The following RCBTB1 variants were observed in gnomAD, a reference collection of about 807,000 sequenced individuals.
RCBTB1 encodes RCC1 and BTB domain containing protein 1.
A neutral mutation model predicts 62.4 loss-of-function variants in RCBTB1; 46 were observed. That is an observed-to-expected ratio of 0.74 (90% CI 0.58 to 0.94). The LOEUF is 0.94. RCBTB1 is among the 40% of genes least tolerant of loss of function. The pLI, the probability that RCBTB1 is intolerant of heterozygous loss-of-function variation, is 0.00. For missense variants in RCBTB1, 565 were observed against 654.9 expected (o/e 0.86, Z 1.50); for synonymous variants, 222 against 245.8 (o/e 0.90, Z 0.91).
chr13:49,555,389 A>G lies in RCBTB1; in HGVS notation c.603+126T>C, dbSNP rs1961760327. 4 of 802,746 alleles carry G rather than the reference A, an allele frequency of 5.0e-6. No individual in the cohort carries two copies. In the African/African-American group the frequency reaches 5.2e-5, roughly 10 times the overall value. The allele number at this position is 802,746 out of a possible 1,614,324, so 49.7% of individuals were successfully genotyped here. On this transcript the variant is annotated intron_variant, in intron 6 of 12. Transcript: ENST00000378302. ...CAGCTCCTCAGTCAGTAATCAGTTA[A>G]CTTTCAATGGAGCTACCAAAACAAA...
intron 5 of RCBTB1, among the ~76,000 whole-genome samples, chr13:49,556,333 G>A (rs1961870606): frequency 6.6e-6 from 1 of 151,954 alleles, no homozygotes; most frequent in Non-Finnish European, 1.5e-5. Flanking sequence ...TGGGACGACA[G>A]GCGCCCGCCA....
In RCBTB1 at chr13:49,584,869, T is replaced by C. The variant is rs558667898; in HGVS notation, c.-122+575A>G. 8.5e-5 allele frequency among the ~76,000 whole-genome samples: 13 copies of C among 152,272 alleles called. No individual in the cohort carries two copies. The South Asian group carries it at 2.7e-3, about 32-fold the overall frequency. On this transcript the variant is annotated intron_variant, in intron 1 of 12. Transcript: ENST00000378302. ...CGATAGTCATCTTAAACCGAGCAGGTAGGTACTTTATCAGAGGCAGACAAG... is the reference window on the plus strand; with the variant it reads ...CGATAGTCATCTTAAACCGAGCAGGCAGGTACTTTATCAGAGGCAGACAAG...
At chr13:49,536,964 A>G (rs1156852217) in intron 12 of RCBTB1, among the ~76,000 whole-genome samples, 1 of 152,238 alleles carries the variant, frequency 6.6e-6, no homozygotes, top group Non-Finnish European at 1.5e-5. Flanking sequence ...TCCTTTCCAC[A>G]AATTTTCTTT....
At chr13:49,569,506 G>A (rs1434025273) in intron 2 of RCBTB1, among the ~76,000 whole-genome samples, 1 of 152,174 alleles carries the variant, frequency 6.6e-6, no homozygotes, top group South Asian at 2.1e-4. Flanking sequence ...GAGGTCAAGA[G>A]TTCGTGACCA....
intron 6 of RCBTB1, among the ~76,000 whole-genome samples, chr13:49,552,563 G>C (rs1311528861): frequency 1.3e-5 from 2 of 152,030 alleles, no homozygotes; most frequent in Admixed American, 6.6e-5. Flanking sequence ...CAATTATTAA[G>C]TACCTACTGT....
intron 1 of RCBTB1, among the ~76,000 whole-genome samples, chr13:49,583,359 C>T (rs1351330134): frequency 1.3e-5 from 2 of 149,518 alleles, no homozygotes; most frequent in South Asian, 4.3e-4. Flanking sequence ...AGCTTTTCTA[C>T]CCCAGGAAAG....
At chr13:49,555,452 G>A (rs922340376) in intron 6 of RCBTB1, 63 bp downstream of exon 6, 2 of 1,350,418 alleles carry the variant, frequency 1.5e-6, no homozygotes, top group African/African-American at 1.4e-5. Flanking sequence ...TTCACCTTGT[G>A]AAGAAACTGA....
In RCBTB1 at chr13:49,549,056, C is replaced by CCA. The variant is rs1203165704; in HGVS notation, c.1045+401_1045+402insTG. ...CTGAGGCAGGAAAATCTCTTGAACT[C>CCA]GGGAGGTGGAGGTTGCAGTGAGCCG... is the stretch of plus-strand genomic sequence containing the variant. On this transcript the variant is annotated intron_variant, in intron 9 of 12. Transcript: ENST00000378302. Among the ~76,000 whole-genome samples the CCA allele has an allele frequency of 1.2e-4, 16 of 132,428 alleles. 3 individuals are homozygous for CCA. In the South Asian group the frequency reaches 1.6e-3, roughly 13 times the overall value. The allele number at this position is 132,428 out of a possible 152,430, so 86.9% of individuals were successfully genotyped here.
At chr13:49,552,634 C>T (rs1961478456) in intron 6 of RCBTB1, among the ~76,000 whole-genome samples, 1 of 152,124 alleles carries the variant, frequency 6.6e-6, no homozygotes, top group African/African-American at 2.4e-5. Flanking sequence ...GAAATAGATA[C>T]ATGCAAATTT....
Position 49,555,622 on chromosome 13 carries a change from C to G in RCBTB1, c.496G>C (p.Ala166Pro). The change falls in exon 6 of 13, where the codon GCA becomes CCA. Residue 166 changes from alanine to proline, a missense_variant. Transcript: ENST00000378302. The stretch of plus-strand genomic sequence containing the variant: ...ACTTTTCGAGGAGTTGGTTGATTTG[C>G]TGTAGAACCTGATCCCACTTGGCCA... Reference protein sequence around the residue: ...NCGQVGSGSTANQPTPRKVTN... With the variant: ...NCGQVGSGSTPNQPTPRKVTN... The G allele has an allele frequency of 6.2e-7, 1 of 1,612,746 alleles. No homozygotes were observed. Among genetic ancestry groups the G allele is most frequent in the Non-Finnish European group, 8.5e-7 (1 of 1,179,332 alleles).
intron 9 of RCBTB1, chr13:49,546,905 AC>A (rs1960831959): frequency 2.0e-6 from 2 of 980,350 alleles, no homozygotes; most frequent in Non-Finnish European, 2.4e-6. Context: ...GGGTGTGGGG[AC>A]CCCTGATCTA....
intron 12 of RCBTB1, among the ~76,000 whole-genome samples, chr13:49,537,044 C>G (rs1959995162): frequency 6.6e-6 from 1 of 152,174 alleles, no homozygotes; most frequent in African/African-American, 2.4e-5. Context: ...AATGCCGCCT[C>G]TAAGGGAGTT....
chr13:49,534,320 T>C (rs1959768613), intron 12 of RCBTB1, 58 bp from the exon 13 acceptor site: 1 of 1,558,600 alleles, frequency 6.4e-7, no homozygotes, highest in African/African-American at 1.4e-5. Flanking sequence ...TTTGATTGAA[T>C]TACTTCTCTC....
chr13:49,533,990 T>C lies in RCBTB1; in HGVS notation c.*132A>G. On this transcript the variant is annotated 3_prime_UTR_variant, in exon 13 of 13. Coordinates refer to ENST00000378302, the MANE Select transcript of RCBTB1 (RefSeq NM_018191.4). ...CTTGTTATGTTCCTACACAAACAAC[T>C]GTGTCCCAGATGTGGAAAAAAACAA... is the stretch of plus-strand genomic sequence containing the variant. 1 of 864,496 alleles carries C rather than the reference T, an allele frequency of 1.2e-6. No individual in the cohort carries two copies. Among genetic ancestry groups the C allele is most frequent in the Non-Finnish European group, 1.8e-6 (1 of 563,102 alleles). 53.6% of individuals were successfully genotyped at this position (864,496 alleles called of 1,614,324 possible).
Position 49,544,876 on chromosome 13 carries a change from A to C in RCBTB1, c.1046-13T>G. 6.2e-7 allele frequency: 1 copy of C among 1,602,506 alleles called. No individual in the cohort carries two copies. The highest frequency in any genetic ancestry group is 8.5e-7 in the Non-Finnish European group (1 of 1,175,728). ...AAGTCTTCATGCTCTGAAGGCAACA[A>C]ACATATATTAATATGGCAAGTTCAA... On this transcript the variant is annotated splice_polypyrimidine_tract_variant and intron_variant, in intron 9 of 12. Transcript: ENST00000378302.
chr13:49,539,942 T>C (rs1960222283), intron 12 of RCBTB1, among the ~76,000 whole-genome samples: 1 of 152,216 alleles, frequency 6.6e-6, no homozygotes, highest in Non-Finnish European at 1.5e-5. Flanking sequence ...CTGCAGATCT[T>C]TGCAGGTGTT....
rs76874066 is a variant in RCBTB1 at position 49,539,178 on chromosome 13, T to A, written c.1455+1698A>T. 5.2e-3 allele frequency among the ~76,000 whole-genome samples: 784 copies of A among 150,780 alleles called. 7 individuals are homozygous for A. The highest frequency in any genetic ancestry group is 0.015 in the African/African-American group (603 of 41,266). ...CCAAGCCTGGCCATTTTTTTTTTTT[T>A]AAGCACACCTTCATGGTGAGGTATT... is the stretch of plus-strand genomic sequence containing the variant. On this transcript the variant is annotated intron_variant, in intron 12 of 12. Transcript: ENST00000378302.
At chr13:49,579,463 A>G (rs1425262614) in intron 2 of RCBTB1, among the ~76,000 whole-genome samples, 1 of 152,134 alleles carries the variant, frequency 6.6e-6, no homozygotes, top group Non-Finnish European at 1.5e-5. Flanking sequence ...CTCTACTAAA[A>G]ATACAAAAAA....
At chr13:49,537,138 C>T (rs1960003779) in intron 12 of RCBTB1, among the ~76,000 whole-genome samples, 1 of 152,158 alleles carries the variant, frequency 6.6e-6, no homozygotes, top group Admixed American at 6.5e-5. Context: ...GCAGGTGCCT[C>T]GGCATCACAG....
Sources: allele counts gnomAD v4.1 joint callset (sites outside exome capture counted in the v4.1 genomes callset), GRCh38; gene constraint gnomAD v4.1.1; transcripts MANE v1.5; gene names NCBI Gene and HGNC (gene_info 2026-07-23, HGNC 2026-07-21).